Variants in TRPC4 observed in about 807,000 individuals in gnomAD.
TRPC4 encodes short transient receptor potential channel 4.
In TRPC4, 49 loss-of-function variants were observed where a neutral mutation model predicts 99.4. That is an observed-to-expected ratio of 0.49 (90% CI 0.39 to 0.63). The LOEUF (loss-of-function observed/expected upper bound fraction) is 0.63, where lower values mean the gene tolerates loss of function less well. Ranked by LOEUF, TRPC4 falls within the 20% of genes least tolerant of loss-of-function variation. The probability of loss-of-function intolerance (pLI) is 0.00; values close to 1 mark genes in which losing one functional copy is unlikely to be tolerated. For missense variants in TRPC4, 898 were observed against 1,152.9 expected (o/e 0.78, Z 3.20); for synonymous variants, 454 against 425.9 (o/e 1.07, Z -0.81).
intron 1 of TRPC4, among the ~76,000 whole-genome samples, chr13:37,812,342 A>G (rs1192232329): frequency 6.7e-6 from 1 of 149,668 alleles, no homozygotes; most frequent in Non-Finnish European, 1.5e-5. Flanking sequence ...GCATATAAGT[A>G]TGAAAAAAAA....
At chr13:37,751,651 T>G (rs1320044838) in intron 2 of TRPC4, among the ~76,000 whole-genome samples, 2 of 152,144 alleles carry the variant, frequency 1.3e-5, no homozygotes, top group African/African-American at 2.4e-5. Flanking sequence ...AAACGGCTTA[T>G]AATTACTTTG....
intron 3 of TRPC4, among the ~76,000 whole-genome samples, chr13:37,730,293 C>T (rs1295769466): frequency 1.3e-5 from 2 of 151,762 alleles, no homozygotes; most frequent in African/African-American, 2.4e-5. Context: ...ATATATATCA[C>T]GTATTTTCTT....
chr13:37,840,150 A>C (rs1486832267), intron 1 of TRPC4, among the ~76,000 whole-genome samples: 1 of 152,186 alleles, frequency 6.6e-6, no homozygotes, highest in Non-Finnish European at 1.5e-5. Context: ...TGATTACAGA[A>C]TAAATCACAT....
At position 37,719,220 on chromosome 13, in the gene TRPC4, T is replaced by C. The variant is rs780742005; in HGVS notation, c.897+26717A>G. Among the ~76,000 whole-genome samples the C allele has an allele frequency of 2.6e-5, 4 of 152,070 alleles. No individual in the cohort carries two copies. In the South Asian group the frequency reaches 6.2e-4, roughly 24 times the overall value. On this transcript the variant is annotated intron_variant, in intron 3 of 10. Coordinates refer to ENST00000379705, the MANE Select transcript of TRPC4 (RefSeq NM_016179.4). The stretch of plus-strand genomic sequence containing the variant: ...TTCAAGAATGGAGATAAGTGGTACA[T>C]GCCTATAGTCTCAGCTACGTTGGAG...
chr13:37,824,881 G>A (rs1015513435), intron 1 of TRPC4, among the ~76,000 whole-genome samples: 6 of 152,032 alleles, frequency 3.9e-5, no homozygotes, highest in African/African-American at 7.2e-5. Flanking sequence ...GGCAGAATTC[G>A]GCTGTGAATC....
chr13:37,759,401 G>T lies in TRPC4; in HGVS notation c.379-12946C>A, dbSNP rs1283502112. Among the ~76,000 whole-genome samples the T allele has an allele frequency of 2.0e-5, 3 of 151,706 alleles. No homozygotes were observed. The South Asian group carries it at 6.2e-4, about 31-fold the overall frequency. ...CACAGAATGAAAAACCACATATTTT[G>T]TTATACAATTCTTGAGTGGAATGGC... On this transcript the variant is annotated intron_variant, in intron 2 of 10. Transcript: ENST00000379705.
chr13:37,825,760 G>T (rs1267693744), intron 1 of TRPC4, among the ~76,000 whole-genome samples: 1 of 151,286 alleles, frequency 6.6e-6, no homozygotes, highest in East Asian at 2.0e-4. Context: ...TTGATTTGGG[G>T]TGGAGAGTTC....
At chr13:37,706,503 G>C (rs1315520647) in intron 3 of TRPC4, among the ~76,000 whole-genome samples, 1 of 152,062 alleles carries the variant, frequency 6.6e-6, no homozygotes, top group Non-Finnish European at 1.5e-5. Flanking sequence ...ATACTTTTAA[G>C]TTTTAGGGTA....
At chr13:37,645,340 T>G (rs918751104) in intron 8 of TRPC4, among the ~76,000 whole-genome samples, 2 of 152,054 alleles carry the variant, frequency 1.3e-5, no homozygotes, top group African/African-American at 4.8e-5. Context: ...GCAGGGAAGA[T>G]TTTGCAGCTA....
At chr13:37,775,960 A>T (rs1489293245) in intron 2 of TRPC4, among the ~76,000 whole-genome samples, 1 of 151,854 alleles carries the variant, frequency 6.6e-6, no homozygotes, top group Non-Finnish European at 1.5e-5. Flanking sequence ...TCAAGACAAA[A>T]ACCATGTCAA....
At chr13:37,802,399 C>T (rs1027441887) in intron 1 of TRPC4, among the ~76,000 whole-genome samples, 1 of 152,018 alleles carries the variant, frequency 6.6e-6, no homozygotes, top group African/African-American at 2.4e-5. Context: ...GTGACAATGT[C>T]GGAGTTGTTC....
intron 2 of TRPC4, among the ~76,000 whole-genome samples, chr13:37,752,488 C>A (rs748938718): frequency 1.3e-5 from 2 of 151,890 alleles, no homozygotes; most frequent in Non-Finnish European, 2.9e-5. Context: ...AAGGAAGAGC[C>A]GGTCACAGAT....
At chr13:37,712,747 T>C (rs957167648) in intron 3 of TRPC4, among the ~76,000 whole-genome samples, 7 of 152,082 alleles carry the variant, frequency 4.6e-5, no homozygotes, top group African/African-American at 1.2e-4. Context: ...AAAAAGCATG[T>C]CTAGAGAAGG....
At chr13:37,782,284 T>C (rs144837385) in intron 2 of TRPC4, among the ~76,000 whole-genome samples, 7 of 152,190 alleles carry the variant, frequency 4.6e-5, no homozygotes, top group African/African-American at 1.2e-4. Flanking sequence ...AAAACACACA[T>C]TGTATTTATA....
At chr13:37,762,200 C>A (rs1396775796) in intron 2 of TRPC4, among the ~76,000 whole-genome samples, 2 of 151,756 alleles carry the variant, frequency 1.3e-5, no homozygotes, top group Admixed American at 6.6e-5. Flanking sequence ...AATGGTTGAA[C>A]TAGTTTACAG....
chr13:37,865,994 C>T (rs1959719030), intron 1 of TRPC4, among the ~76,000 whole-genome samples: 1 of 151,578 alleles, frequency 6.6e-6, no homozygotes, highest in Admixed American at 6.6e-5. Flanking sequence ...TCCCTCTTTT[C>T]TTTTTTCACA....
At chr13:37,668,053 G>A (rs10507456) in intron 5 of TRPC4, among the ~76,000 whole-genome samples, 22,192 of 152,134 alleles carry the variant, frequency 0.15, 1,754 homozygotes, top group East Asian at 0.31. Flanking sequence ...CCTTTACCCC[G>A]ACTGCAGATG....
intron 4 of TRPC4, among the ~76,000 whole-genome samples, chr13:37,686,675 AG>A (rs1391476163): frequency 1.3e-5 from 2 of 152,182 alleles, no homozygotes; most frequent in Non-Finnish European, 2.9e-5. Flanking sequence ...AAAGTGTTAT[AG>A]GCAAGTTGCA....
At chr13:37,717,257 A>G (rs889135884) in intron 3 of TRPC4, among the ~76,000 whole-genome samples, 13 of 152,164 alleles carry the variant, frequency 8.5e-5, no homozygotes, top group Non-Finnish European at 1.3e-4. Context: ...ATAGATGACG[A>G]TATCAGAAAA....
Sources: allele counts gnomAD v4.1 joint callset (sites outside exome capture counted in the v4.1 genomes callset), GRCh38; gene constraint gnomAD v4.1.1; transcripts MANE v1.5; gene names NCBI Gene and HGNC (gene_info 2026-07-23, HGNC 2026-07-21).